MAPK10: variants seen among roughly 807,000 people sequenced by gnomAD.
The protein encoded by MAPK10 is JNK3 alpha protein kinase.
Under a neutral mutation model 59.3 loss-of-function variants are expected in MAPK10, and 25 were observed. The observed-to-expected ratio is 0.42, with a 90% confidence interval of 0.31 to 0.59. The LOEUF is 0.59. Among genes scored for constraint, MAPK10 ranks in the 20% least tolerant of loss-of-function variants. The pLI, the probability that MAPK10 is intolerant of heterozygous loss-of-function variation, is 0.15. For synonymous variants in MAPK10, 190 were observed against 200.5 expected, an observed-to-expected ratio of 0.95 and a Z score of 0.44; for missense variants, 351 against 568.9, an observed-to-expected ratio of 0.62 and a Z score of 3.90.
intron 2 of MAPK10, among the ~76,000 whole-genome samples, chr4:86,243,525 T>G (rs1335549027): frequency 6.6e-6 from 1 of 152,142 alleles, no homozygotes; most frequent in African/African-American, 2.4e-5. Context: ...CTTCCTCACC[T>G]CACTCATTAC....
Position 86,575,998 on chromosome 4 carries a change from C to CGTGTGTGTGTGTGTGTGT in MAPK10, c.-263+17894_-263+17911dup, listed in dbSNP as rs56886437. Among the ~76,000 whole-genome samples the CGTGTGTGTGTGTGTGTGT allele has an allele frequency of 2.9e-3, 423 of 147,358 alleles. 2 individuals carry two copies. The highest frequency in any genetic ancestry group is 3.9e-3 in the Admixed American group (58 of 14,798). ...CATAACATAATATTGTGTGTGTATG[C>CGTGTGTGTGTGTGTGTGT]GTGTGTGTGTGTGTGTGTGTGTGTA... On this transcript the variant is annotated intron_variant, in intron 1 of 4. Coordinates refer to the MAPK10 transcript ENST00000502302.
intron 7 of MAPK10, 28 bp downstream of exon 7, chr4:86,101,866 A>G (rs377325774): frequency 3.0e-4 from 489 of 1,611,998 alleles, no homozygotes; most frequent in Non-Finnish European, 4.0e-4. Flanking sequence ...AAGCATTTGA[A>G]TTGTAATCCT....
intron 1 of MAPK10, among the ~76,000 whole-genome samples, chr4:86,386,225 T>C (rs1438405761): frequency 1.3e-5 from 2 of 152,214 alleles, no homozygotes; most frequent in Non-Finnish European, 2.9e-5. Flanking sequence ...CTGGTTGACA[T>C]TGGAGATACG....
At chr4:86,160,458 C>A (rs966792039) in intron 3 of MAPK10, 1 of 151,940 alleles carries the variant, frequency 6.6e-6, no homozygotes, top group African/African-American at 2.4e-5. Context: ...ATCCCAGTGA[C>A]TGAAAATTAA....
chr4:86,471,416 G>A (rs774818153), intron 1 of MAPK10, among the ~76,000 whole-genome samples: 1 of 151,890 alleles, frequency 6.6e-6, no homozygotes, highest in Non-Finnish European at 1.5e-5. Flanking sequence ...CAAAATAAGA[G>A]ATAAACCCAT....
intron 2 of MAPK10, among the ~76,000 whole-genome samples, chr4:86,226,378 T>C (rs1437125563): frequency 6.6e-6 from 1 of 152,192 alleles, no homozygotes; most frequent in African/African-American, 2.4e-5. Flanking sequence ...AATCCTTAGA[T>C]GATGCTAAAT....
chr4:86,522,565 T>C (rs1471573531), intron 1 of MAPK10, among the ~76,000 whole-genome samples: 1 of 151,368 alleles, frequency 6.6e-6, no homozygotes, highest in Non-Finnish European at 1.5e-5. Flanking sequence ...ACATTTAAAC[T>C]TAAAAAAAAA....
At chr4:86,256,898 G>A (rs188080837) in intron 2 of MAPK10, among the ~76,000 whole-genome samples, 1 of 74,278 alleles carries the variant, frequency 1.3e-5, no homozygotes, top group South Asian at 3.4e-4. Flanking sequence ...CCGCCATTGC[G>A]CCCGCCATTG....
At chr4:86,354,675 T>A in intron 1 of MAPK10, 31 bp from the exon 2 acceptor site, 1 of 882,844 alleles carries the variant, frequency 1.1e-6, no homozygotes, top group Non-Finnish European at 1.5e-6. Context: ...CAGATGAGTT[T>A]GATTTTAAGA....
intron 1 of MAPK10, among the ~76,000 whole-genome samples, chr4:86,388,115 C>T (rs1741740540): frequency 6.6e-6 from 1 of 151,712 alleles, no homozygotes; most frequent in Non-Finnish European, 1.5e-5. Context: ...AAAATCCACA[C>T]TGAATACTTA....
intron 1 of MAPK10, among the ~76,000 whole-genome samples, chr4:86,560,649 G>GT (rs1322654867): frequency 6.6e-6 from 1 of 152,206 alleles, no homozygotes; most frequent in East Asian, 1.9e-4. Flanking sequence ...TAGTTAAGTA[G>GT]TAATACATTG....
At chr4:86,086,032 G>A (rs2051745646) in intron 9 of MAPK10, among the ~76,000 whole-genome samples, 1 of 152,124 alleles carries the variant, frequency 6.6e-6, no homozygotes, top group African/African-American at 2.4e-5. Context: ...CTGGGTGGGT[G>A]GAGGGAGAGC....
intron 2 of MAPK10, among the ~76,000 whole-genome samples, chr4:86,284,058 CCTTT>C (rs966288514): frequency 3.3e-5 from 5 of 152,238 alleles, no homozygotes; most frequent in East Asian, 1.9e-4. Context: ...GAATCCTCCT[CCTTT>C]CTCTTTTCAA....
chr4:86,203,677 C>T (rs2083151532), intron 2 of MAPK10, among the ~76,000 whole-genome samples: 1 of 149,856 alleles, frequency 6.7e-6, no homozygotes, highest in Non-Finnish European at 1.5e-5. Flanking sequence ...GATACAAGAA[C>T]ACAAAGTCAT....
At chr4:86,412,259 T>C (rs901025670) in intron 1 of MAPK10, among the ~76,000 whole-genome samples, 2 of 152,220 alleles carry the variant, frequency 1.3e-5, no homozygotes, top group Non-Finnish European at 2.9e-5. Flanking sequence ...GGGTTTCTGC[T>C]GAGAGATCTG....
intron 1 of MAPK10, among the ~76,000 whole-genome samples, chr4:86,525,610 A>G (rs1361216777): frequency 6.6e-6 from 1 of 152,208 alleles, no homozygotes; most frequent in East Asian, 1.9e-4. Context: ...TCAGTTTCAT[A>G]ACGGAGAAAA....
intron 1 of MAPK10, among the ~76,000 whole-genome samples, chr4:86,401,927 C>T (rs568276733): frequency 2.0e-5 from 3 of 152,130 alleles, no homozygotes; most frequent in Admixed American, 6.5e-5. Flanking sequence ...CTTTGAGAAA[C>T]TATCCCTCCT....
At chr4:86,053,492 C>G (rs1199072494) in intron 11 of MAPK10, among the ~76,000 whole-genome samples, 49 of 152,082 alleles carry the variant, frequency 3.2e-4, no homozygotes, top group Non-Finnish European at 4.4e-5. Flanking sequence ...TTTGTAGCCT[C>G]TACTTATCTC....
chr4:86,040,700 C>T (rs1309843035), intron 11 of MAPK10, among the ~76,000 whole-genome samples: 3 of 151,686 alleles, frequency 2.0e-5, no homozygotes, highest in African/African-American at 2.4e-5. Flanking sequence ...AAATCAAAGA[C>T]AAAGAAAGGA....
Sources: gnomAD v4.1 joint callset for allele counts (sites outside exome capture counted in the v4.1 genomes callset) on GRCh38, gnomAD v4.1.1 for gene constraint, MANE v1.5 for transcripts, NCBI Gene and HGNC (gene_info 2026-07-23, HGNC 2026-07-21) for gene names.